Variants in CAMTA1 observed in about 807,000 individuals in gnomAD.
CAMTA1 encodes calmodulin-binding transcription activator 1.
A neutral mutation model predicts 170.9 loss-of-function variants in CAMTA1; 27 were observed. The ratio of observed to expected loss-of-function variants is 0.16; its 90% CI spans 0.12 to 0.22. The LOEUF (loss-of-function observed/expected upper bound fraction) is 0.22. Among genes scored for constraint, CAMTA1 ranks in the 10% least tolerant of loss-of-function variants. CAMTA1 has a pLI of 1.00. For synonymous variants in CAMTA1, 833 were observed against 891.5 expected, an observed-to-expected ratio of 0.93 and a Z score of 1.17; for missense variants, 1,619 against 2,217.2, an observed-to-expected ratio of 0.73 and a Z score of 5.42.
intron 4 of CAMTA1, among the ~76,000 whole-genome samples, chr1:7,108,238 T>C (rs1052559760): frequency 3.3e-5 from 5 of 152,268 alleles, no homozygotes; most frequent in Non-Finnish European, 7.4e-5. Flanking sequence ...GCCCAGCTCT[T>C]CCATTTAGTA....
At chr1:6,893,903 G>C (rs997753420) in intron 3 of CAMTA1, among the ~76,000 whole-genome samples, 4 of 152,184 alleles carry the variant, frequency 2.6e-5, no homozygotes, top group African/African-American at 4.8e-5. Flanking sequence ...GGTGACCCAG[G>C]CATCCAAATA....
chr1:7,487,984 G>A (rs1021283914), intron 6 of CAMTA1, among the ~76,000 whole-genome samples: 1 of 152,156 alleles, frequency 6.6e-6, no homozygotes, highest in African/African-American at 2.4e-5. Context: ...CAGCCTCTCA[G>A]GAAAAGCCTG....
Position 7,502,522 on chromosome 1 carries a change from T to C in CAMTA1, c.510+34621T>C, listed in dbSNP as rs187233513. Among the ~76,000 whole-genome samples the C allele has an allele frequency of 8.5e-5, 13 of 152,262 alleles. No individual in the cohort carries two copies. The South Asian group carries it at 2.5e-3, about 29-fold the overall frequency. ...AGCCACGTTCTGCAAGTGGCCTCTT[T>C]AGTGAGGGAGCCCTTGGAGGAAGGA... is the stretch of plus-strand genomic sequence containing the variant. On this transcript the variant is annotated intron_variant, in intron 6 of 22. Transcript: ENST00000303635.
chr1:7,432,227 C>A (rs2092194016), intron 5 of CAMTA1, among the ~76,000 whole-genome samples: 1 of 152,304 alleles, frequency 6.6e-6, no homozygotes, highest in South Asian at 2.1e-4. Flanking sequence ...AAGCCTCACC[C>A]AGCCTTGTGA....
rs1274382820 is a variant in CAMTA1, at chr1:7,755,641, C to T, written c.4962C>T (p.Pro1654=). 2 of 1,613,508 alleles carry T rather than the reference C, an allele frequency of 1.2e-6. No individual in the cohort carries two copies. The highest frequency in any genetic ancestry group is 2.2e-5 in the South Asian group (2 of 91,046). ...MRFLRRCRHS[P]LVDHRLYKRS... ...GGTGTTGTTTTACTGTCTAAAGCCC[C>T]CTGGTGGACCATAGGCTGTACAAAA... Residue 1654 remains proline, a synonymous_variant, in exon 22 of 23, where the codon CCC becomes CCT. Transcript: ENST00000303635.
chr1:6,911,162 G>A (rs1166461722), intron 3 of CAMTA1, among the ~76,000 whole-genome samples: 1 of 151,906 alleles, frequency 6.6e-6, no homozygotes, highest in African/African-American at 2.4e-5. Context: ...GGTGTCCTTG[G>A]AGACCAGGTG....
In CAMTA1 at chr1:7,646,776, GGAATGGAGGCCCTAGTGAGTGT is replaced by G. The variant is rs1246357180; in HGVS notation, c.664+6237_664+6258del. ...AGTGGGGTGGAGGCCACAGTGAGTT[GGAATGGAGGCCCTAGTGAGTGT>G]GAATGGAGGCCCTGTTGAGTTGGGT... On this transcript the variant is annotated intron_variant, in intron 7 of 22. Transcript: ENST00000303635. 6.7e-5 allele frequency among the ~76,000 whole-genome samples: 10 copies of G among 149,520 alleles called. 1 individual carries two copies. The highest frequency in any genetic ancestry group is 5.3e-4 in the Admixed American group (8 of 15,094).
intron 3 of CAMTA1, among the ~76,000 whole-genome samples, chr1:7,029,077 T>A (rs545455639): frequency 7.2e-5 from 11 of 152,204 alleles, no homozygotes; most frequent in Non-Finnish European, 1.5e-4. Context: ...CCGTAATATG[T>A]AAATCATGTT....
intron 5 of CAMTA1, among the ~76,000 whole-genome samples, chr1:7,274,599 A>G (rs1670311895): frequency 6.6e-6 from 1 of 152,200 alleles, no homozygotes; most frequent in Admixed American, 6.5e-5. Context: ...TCTAATTGAC[A>G]TTTTTGAAAT....
At chr1:7,462,002 G>A (rs1447328683) in intron 5 of CAMTA1, among the ~76,000 whole-genome samples, 3 of 152,254 alleles carry the variant, frequency 2.0e-5, no homozygotes, top group Admixed American at 6.5e-5. Context: ...CCTGCTATGC[G>A]AATGTCACTA....
Position 7,663,707 on chromosome 1 carries a change from C to G in CAMTA1, c.1160C>G (p.Ala387Gly), listed in dbSNP as rs749372522. 2 of 1,613,924 alleles carry G rather than the reference C, an allele frequency of 1.2e-6. No homozygotes were observed. Among genetic ancestry groups the G allele is most frequent in the East Asian group, 4.5e-5 (2 of 44,882 alleles). Residue 387 changes from alanine (A) to glycine (G), a missense_variant, in exon 9 of 23, where the codon GCC becomes GGC. Ala to Gly is a moderately conservative substitution (Grantham distance 60, BLOSUM62 0). Around this residue, in one of 8 missense-constraint regions of CAMTA1, gnomAD observed 731 missense variants for 907.6 expected, o/e 0.81. Transcript: ENST00000303635. ...ACAGGTGTGTCCGGTATGGCGGTGG[C>G]CTCTGTGATGGGGAGCTTGTCCCAG... ...VVTGVSGMAV[A>G]SVMGSLSQSA...
At chr1:7,094,351 C>T (rs1641821839) in intron 4 of CAMTA1, among the ~76,000 whole-genome samples, 1 of 139,624 alleles carries the variant, frequency 7.2e-6, no homozygotes, top group African/African-American at 2.6e-5. Context: ...GAATTAATGA[C>T]ACCAATACTC....
chr1:7,423,458 A>G (rs1277238742), intron 5 of CAMTA1, among the ~76,000 whole-genome samples: 8 of 148,872 alleles, frequency 5.4e-5, no homozygotes, highest in African/African-American at 1.8e-4. Flanking sequence ...GACAAGAGCA[A>G]AACTCCATCT....
At chr1:6,964,483 C>T (rs1016849165) in intron 3 of CAMTA1, among the ~76,000 whole-genome samples, 1 of 152,174 alleles carries the variant, frequency 6.6e-6, no homozygotes, top group Non-Finnish European at 1.5e-5. Context: ...TTATCTGACA[C>T]TGCAGTCTTT....
At chr1:7,162,867 C>T (rs1647512393) in intron 4 of CAMTA1, among the ~76,000 whole-genome samples, 1 of 152,094 alleles carries the variant, frequency 6.6e-6, no homozygotes, top group African/African-American at 2.4e-5. Flanking sequence ...CGTGGCTGAT[C>T]TTTTGAGGAG....
At chr1:6,956,185 G>A (rs572315507) in intron 3 of CAMTA1, among the ~76,000 whole-genome samples, 1 of 152,268 alleles carries the variant, frequency 6.6e-6, no homozygotes, top group East Asian at 1.9e-4. Context: ...CAGGGCCAGA[G>A]GCTGCTCACT....
chr1:7,675,213 C>G lies in CAMTA1; in HGVS notation c.2780-2386C>G, dbSNP rs116213446. 1.9e-3 allele frequency among the ~76,000 whole-genome samples: 289 copies of G among 152,142 alleles called. 1 individual carries two copies. The highest frequency in any genetic ancestry group is 6.7e-3 in the African/African-American group (278 of 41,498). ...CCTGGGGCAGAAAGAGGTTTGGCAACGTGGAGAATCTAAAGCCTGAGAAAG... is the reference window on the plus strand; with the variant it reads ...CCTGGGGCAGAAAGAGGTTTGGCAAGGTGGAGAATCTAAAGCCTGAGAAAG... On this transcript the variant is annotated intron_variant, in intron 10 of 22. Transcript: ENST00000303635.
chr1:7,757,958 C>T (rs2096943073), intron 22 of CAMTA1, among the ~76,000 whole-genome samples: 3 of 152,112 alleles, frequency 2.0e-5, no homozygotes, highest in East Asian at 1.9e-4. Context: ...GGCTCGGAGA[C>T]GTTTTTTTTG....
At chr1:7,509,440 T>C (rs1361088352) in intron 6 of CAMTA1, among the ~76,000 whole-genome samples, 1 of 152,206 alleles carries the variant, frequency 6.6e-6, no homozygotes, top group Non-Finnish European at 1.5e-5. Flanking sequence ...ATTTCTAAAC[T>C]GTCGGACCCA....
Sources: gnomAD v4.1 joint callset for allele counts (sites outside exome capture counted in the v4.1 genomes callset) on GRCh38, gnomAD v4.1.1 for gene constraint, gnomAD v4.1.1 regional missense constraint, MANE v1.5 for transcripts, NCBI Gene and HGNC (gene_info 2026-07-23, HGNC 2026-07-21) for gene names.